Variants in DEUP1 observed in about 807,000 individuals in gnomAD.
DEUP1 encodes coiled-coil domain containing 67.
A neutral mutation model predicts 87.4 loss-of-function variants in DEUP1; 82 were observed. The observed-to-expected ratio is 0.94, with a 90% CI of 0.78 to 1.13. The LOEUF is 1.13. DEUP1 is among the 50% of genes most tolerant of loss of function. The pLI is 0.00. For missense variants in DEUP1, 663 were observed against 681.5 expected, an observed-to-expected ratio of 0.97 and a Z score of 0.30; for synonymous variants, 214 against 222.7, an observed-to-expected ratio of 0.96 and a Z score of 0.35.
intron 8 of DEUP1, among the ~76,000 whole-genome samples, chr11:93,387,308 C>T (rs1434767479): frequency 6.6e-6 from 1 of 152,028 alleles, no homozygotes; most frequent in Non-Finnish European, 1.5e-5. Context: ...ACTGTTGCTT[C>T]TTTGTAGTTG....
At chr11:93,412,406 G>A (rs1591247003) in intron 12 of DEUP1, among the ~76,000 whole-genome samples, 1 of 152,290 alleles carries the variant, frequency 6.6e-6, no homozygotes, top group Non-Finnish European at 1.5e-5. Context: ...AGCACTTTAT[G>A]CAAGGTGGTT....
intron 5 of DEUP1, among the ~76,000 whole-genome samples, chr11:93,364,585 G>A (rs1171067503): frequency 2.0e-5 from 3 of 151,738 alleles, no homozygotes; most frequent in African/African-American, 7.3e-5. Flanking sequence ...AAAATTGAAG[G>A]ACACCCCTGG....
chr11:93,391,574 G>A (rs1946765821), intron 9 of DEUP1, among the ~76,000 whole-genome samples: 1 of 151,836 alleles, frequency 6.6e-6, no homozygotes, highest in South Asian at 2.1e-4. Flanking sequence ...CAGGCATGGT[G>A]GTGCTCACCT....
At chr11:93,379,243 C>A (rs929545337) in intron 7 of DEUP1, among the ~76,000 whole-genome samples, 3 of 152,046 alleles carry the variant, frequency 2.0e-5, no homozygotes, top group East Asian at 3.9e-4. Flanking sequence ...TACTTTTACA[C>A]CTGTATTCTT....
intron 6 of DEUP1, among the ~76,000 whole-genome samples, chr11:93,370,434 T>G (rs749680571): frequency 6.6e-6 from 1 of 152,250 alleles, no homozygotes; most frequent in Non-Finnish European, 1.5e-5. Flanking sequence ...TGTTTTTGCA[T>G]GCCTACAGGC....
At chr11:93,419,877 TAA>T (rs1257178439) in intron 13 of DEUP1, among the ~76,000 whole-genome samples, 2 of 126,754 alleles carry the variant, frequency 1.6e-5, no homozygotes, top group African/African-American at 3.3e-5. Context: ...TAAAATAAAA[TAA>T]AAATTAAAAA....
At chr11:93,415,208 T>C in intron 13 of DEUP1, 94 bp downstream of exon 13, 1 of 717,878 alleles carries the variant, frequency 1.4e-6, no homozygotes, top group Non-Finnish European at 2.3e-6. Context: ...AGTAGTTCGT[T>C]TGTTTTTAAT....
intron 6 of DEUP1, 75 bp from the exon 7 acceptor site, chr11:93,370,963 C>A: frequency 7.7e-7 from 1 of 1,300,634 alleles, no homozygotes; most frequent in Admixed American, 2.4e-5. Context: ...TAATTCTTTT[C>A]TATCATTCTT....
Position 93,415,183 on chromosome 11 carries a change from T to A in DEUP1, c.1638+69T>A. On this transcript the variant is annotated intron_variant, in intron 13 of 13. Coordinates refer to ENST00000298050, the MANE Select transcript of DEUP1 (RefSeq NM_181645.4). ...TGCTTTACTCTTACACTGATGTCAATAAACTGACGTACATAGTAGTTCGTT... is the reference window on the plus strand; with the variant it reads ...TGCTTTACTCTTACACTGATGTCAAAAAACTGACGTACATAGTAGTTCGTT... The A allele has an allele frequency of 4.5e-6, 4 of 895,628 alleles. No individual in the cohort carries two copies. In the South Asian group the frequency reaches 6.1e-5, roughly 14 times the overall value. The allele number at this position is 895,628 out of a possible 1,614,324, so 55.5% of individuals were successfully genotyped here. A position where few individuals can be genotyped will look rare whatever the true frequency, so the allele number is the denominator to read the frequency against.
chr11:93,351,857 G>A (rs1944643005), intron 2 of DEUP1, among the ~76,000 whole-genome samples: 1 of 152,068 alleles, frequency 6.6e-6, no homozygotes, highest in Non-Finnish European at 1.5e-5. Flanking sequence ...GGCTGACTCT[G>A]GATATCTTAG....
chr11:93,434,689 C>A (rs1948191211), intron 13 of DEUP1, among the ~76,000 whole-genome samples: 2 of 152,170 alleles, frequency 1.3e-5, no homozygotes, highest in Admixed American at 1.3e-4. Context: ...ACCTGTAGAA[C>A]AACAGAGCCT....
intron 7 of DEUP1, 82 bp from the exon 8 acceptor site, chr11:93,385,316 T>G: frequency 7.6e-7 from 1 of 1,307,552 alleles, no homozygotes; most frequent in South Asian, 1.3e-5. Flanking sequence ...TAGGCTGGTT[T>G]ATAGATGTTA....
At chr11:93,407,175 G>A (rs908723079) in intron 11 of DEUP1, among the ~76,000 whole-genome samples, 4 of 151,178 alleles carry the variant, frequency 2.6e-5, no homozygotes, top group Non-Finnish European at 5.9e-5. Context: ...CAAGATTTAT[G>A]TATAAGGAAA....
chr11:93,366,142 G>C (rs1945404204), intron 5 of DEUP1, among the ~76,000 whole-genome samples: 1 of 152,194 alleles, frequency 6.6e-6, no homozygotes, highest in Admixed American at 6.5e-5. Context: ...ACGAGGTCTA[G>C]AAGTCACCTT....
At position 93,352,823 on chromosome 11, in the gene DEUP1, G is replaced by A. The variant is rs148849552; in HGVS notation, c.30-2548G>A. 5.3e-3 allele frequency among the ~76,000 whole-genome samples: 812 copies of A among 152,136 alleles called. 4 individuals are homozygous for A. The highest frequency in any genetic ancestry group is 7.2e-3 in the Non-Finnish European group (487 of 68,006). ...CACGAGAATAGCATGGGAAAGACTA[G>A]CCCCCATGATTCAATTACCTCCCCA... On this transcript the variant is annotated intron_variant, in intron 2 of 13. Coordinates refer to ENST00000298050, the MANE Select transcript of DEUP1 (RefSeq NM_181645.4).
At chr11:93,337,162 A>G (rs1184020195) in intron 2 of DEUP1, among the ~76,000 whole-genome samples, 1 of 152,198 alleles carries the variant, frequency 6.6e-6, no homozygotes, top group Non-Finnish European at 1.5e-5. Flanking sequence ...ATATTAAATC[A>G]TAACTTCTTG....
chr11:93,338,620 G>T (rs941047119), intron 2 of DEUP1, among the ~76,000 whole-genome samples: 3 of 151,854 alleles, frequency 2.0e-5, no homozygotes, highest in South Asian at 2.1e-4. Flanking sequence ...GCCTAGGTTG[G>T]TTTTGAACTC....
chr11:93,369,290 A>G (rs768171037), intron 5 of DEUP1, among the ~76,000 whole-genome samples: 1 of 152,110 alleles, frequency 6.6e-6, no homozygotes. Context: ...TAGGCTTGAC[A>G]TATGTATTTG....
At chr11:93,394,887 C>T (rs916701213) in intron 10 of DEUP1, among the ~76,000 whole-genome samples, 4 of 152,112 alleles carry the variant, frequency 2.6e-5, no homozygotes, top group African/African-American at 7.2e-5. Context: ...TAAATCTCAT[C>T]TTTCCATTTT....
Sources: gnomAD v4.1 joint callset for allele counts (sites outside exome capture counted in the v4.1 genomes callset) on GRCh38, gnomAD v4.1.1 for gene constraint, MANE v1.5 for transcripts, NCBI Gene and HGNC (gene_info 2026-07-23, HGNC 2026-07-21) for gene names.